Variants in CNTN6 observed in about 807,000 individuals in gnomAD.
CNTN6 encodes contactin 6, also known as contactin-6.
Under a neutral mutation model 122.8 loss-of-function variants are expected in CNTN6, and 137 were observed. That is an observed-to-expected ratio of 1.12 (90% CI 0.97 to 1.29). The LOEUF (loss-of-function observed/expected upper bound fraction) is 1.29, where lower values mean the gene tolerates loss of function less well. Ranked by LOEUF, CNTN6 falls within the 50% of genes most tolerant of loss-of-function variation. The pLI, the probability that CNTN6 is intolerant of heterozygous loss-of-function variation, is 0.00. For missense variants in CNTN6, 1,634 were observed against 1,223.4 expected (o/e 1.34, Z -5.01); for synonymous variants, 570 against 426.0 (o/e 1.34, Z -4.16).
chr3:1,345,532 G>T (rs1180547939), intron 11 of CNTN6, among the ~76,000 whole-genome samples: 1 of 152,120 alleles, frequency 6.6e-6, no homozygotes, highest in Non-Finnish European at 1.5e-5. Context: ...TTTTTATGTG[G>T]TTTGTTAAAA....
chr3:1,257,554 C>T (rs2094779741), intron 4 of CNTN6, among the ~76,000 whole-genome samples: 1 of 152,068 alleles, frequency 6.6e-6, no homozygotes, highest in Non-Finnish European at 1.5e-5. Flanking sequence ...CCACCCCTGC[C>T]CTATGAAATT....
chr3:1,099,199 C>T (rs991528710), intron 1 of CNTN6, among the ~76,000 whole-genome samples: 2 of 152,140 alleles, frequency 1.3e-5, no homozygotes, highest in African/African-American at 4.8e-5. Flanking sequence ...CGCCTGTAAT[C>T]CCAGCACTTT....
At chr3:1,261,103 G>T (rs374568881) in intron 4 of CNTN6, among the ~76,000 whole-genome samples, 2 of 152,148 alleles carry the variant, frequency 1.3e-5, no homozygotes, top group Non-Finnish European at 2.9e-5. Flanking sequence ...AGTCTTGTCT[G>T]TTTAGTTCAT....
rs534453074 is a variant in CNTN6 at position 1,158,957 on chromosome 3, C to CAA, written c.55+10895_55+10896insAA. Among the ~76,000 whole-genome samples the CAA allele has an allele frequency of 4.1e-4, 44 of 106,334 alleles. 6 individuals are homozygous for CAA. In the East Asian group the frequency reaches 0.016, roughly 38 times the overall value. The allele number at this position is 106,334 out of a possible 152,430, so 69.8% of individuals were successfully genotyped here. A position where few individuals can be genotyped will look rare whatever the true frequency, so the allele number is the denominator to read the frequency against. ...ACACACACACATATATATATATACA[C>CAA]ACACACACACACATATATATATATA... On this transcript the variant is annotated intron_variant, in intron 2 of 22. Coordinates refer to ENST00000446702, the MANE Select transcript of CNTN6 (RefSeq NM_001289080.2).
intron 1 of CNTN6, among the ~76,000 whole-genome samples, chr3:1,106,521 T>TACACAC (rs57012485): frequency 9.0e-4 from 135 of 149,176 alleles, no homozygotes; most frequent in Middle Eastern, 3.4e-3. Context: ...CTGTCTGTAA[T>TACACAC]ACACACACAC....
intron 12 of CNTN6, among the ~76,000 whole-genome samples, chr3:1,370,868 TA>T (rs562152335): frequency 1.7e-4 from 26 of 151,220 alleles, no homozygotes; most frequent in African/African-American, 5.1e-4. Flanking sequence ...ATAACAAAAG[TA>T]AAAAAAAGTA....
chr3:1,394,665 A>G (rs547239894), intron 20 of CNTN6, among the ~76,000 whole-genome samples: 33 of 152,316 alleles, frequency 2.2e-4, no homozygotes, highest in Non-Finnish European at 4.0e-4. Context: ...TGAAACCTAA[A>G]TTAAAAGTGT....
Position 1,388,225 on chromosome 3 carries a change from A to G in CNTN6, c.2704+2428A>G, listed in dbSNP as rs565657977. On this transcript the variant is annotated intron_variant, in intron 20 of 22. Transcript: ENST00000446702. ...TGCAGCTGGAGATCTGAGAACTGGC[A>G]CACTGCCTCCTCAAGTGGGTCCCTG... Among the ~76,000 whole-genome samples, 325 of 149,686 alleles carry G rather than the reference A, an allele frequency of 2.2e-3. 5 individuals are homozygous for G. The highest frequency in any genetic ancestry group is 7.4e-3 in the African/African-American group (303 of 40,744).
In CNTN6 at chr3:1,383,003, T is replaced by G; in HGVS notation, c.2228T>G (p.Val743Gly). The stretch of plus-strand genomic sequence containing the variant: ...GGATATATCATCATGTTCCGGCCAG[T>G]GGGCTCGACAACCTGGTCCAAGGAG... Reference protein sequence around the residue: ...GFGYIIMFRPVGSTTWSKEKV... With the variant: ...GFGYIIMFRPGGSTTWSKEKV... The change falls in exon 18 of 23, where the codon GTG (valine) becomes GGG (glycine). Residue 743 changes from valine (V) to glycine (G), a missense_variant. Coordinates refer to ENST00000446702, the MANE Select transcript of CNTN6 (RefSeq NM_001289080.2). The G allele has an allele frequency of 6.2e-7, 1 of 1,614,076 alleles. No individual in the cohort carries two copies.
intron 7 of CNTN6, among the ~76,000 whole-genome samples, chr3:1,315,672 A>C (rs942677372): frequency 9.9e-5 from 15 of 151,978 alleles, no homozygotes; most frequent in South Asian, 2.1e-4. Flanking sequence ...GCACTGTCTG[A>C]TTGCTTTCTT....
At chr3:1,374,664 A>C (rs1709598700) in intron 16 of CNTN6, among the ~76,000 whole-genome samples, 1 of 151,942 alleles carries the variant, frequency 6.6e-6, no homozygotes, top group Non-Finnish European at 1.5e-5. Context: ...TCTTTGTTCC[A>C]CTCAAACTTT....
intron 12 of CNTN6, among the ~76,000 whole-genome samples, chr3:1,364,071 A>G (rs536246437): frequency 1.9e-4 from 29 of 151,882 alleles, no homozygotes; most frequent in Non-Finnish European, 1.2e-4. Context: ...AAAACTGTCT[A>G]TTTAATTCAG....
intron 20 of CNTN6, among the ~76,000 whole-genome samples, chr3:1,387,878 A>G (rs1385687807): frequency 1.3e-5 from 2 of 152,196 alleles, no homozygotes; most frequent in Non-Finnish European, 2.9e-5. Flanking sequence ...GCGCACCACG[A>G]GATTATATCC....
intron 1 of CNTN6, among the ~76,000 whole-genome samples, chr3:1,147,262 C>T (rs2092742436): frequency 6.6e-6 from 1 of 151,872 alleles, no homozygotes; most frequent in Non-Finnish European, 1.5e-5. Flanking sequence ...CAAAATTATA[C>T]CATAAAAAGG....
At chr3:1,338,118 G>A (rs142696480) in intron 11 of CNTN6, among the ~76,000 whole-genome samples, 48 of 152,218 alleles carry the variant, frequency 3.2e-4, no homozygotes, top group African/African-American at 1.1e-3. Context: ...CCATGTTTTC[G>A]TGACAGGTAA....
At chr3:1,386,778 G>C (rs182948486) in intron 20 of CNTN6, among the ~76,000 whole-genome samples, 1 of 152,054 alleles carries the variant, frequency 6.6e-6, no homozygotes. Flanking sequence ...GACAAATTCA[G>C]TGCCACTTAC....
chr3:1,346,742 G>A (rs933059749), intron 11 of CNTN6, among the ~76,000 whole-genome samples: 3 of 152,060 alleles, frequency 2.0e-5, no homozygotes, highest in South Asian at 4.1e-4. Flanking sequence ...CCGGAAAAAC[G>A]AGGGTAAAAT....
intron 5 of CNTN6, among the ~76,000 whole-genome samples, chr3:1,278,784 G>C (rs888092660): frequency 4.6e-5 from 7 of 152,202 alleles, no homozygotes; most frequent in Non-Finnish European, 1.0e-4. Flanking sequence ...ACTGACCGCA[G>C]CTGTAATTCG....
At chr3:1,304,616 A>G (rs1489630803) in intron 7 of CNTN6, among the ~76,000 whole-genome samples, 1 of 152,216 alleles carries the variant, frequency 6.6e-6, no homozygotes, top group African/African-American at 2.4e-5. Flanking sequence ...TATCTAGGGA[A>G]TGGAATTATA....
Sources: gnomAD v4.1 joint callset for allele counts (sites outside exome capture counted in the v4.1 genomes callset) on GRCh38, gnomAD v4.1.1 for gene constraint, MANE v1.5 for transcripts, NCBI Gene and HGNC (gene_info 2026-07-23, HGNC 2026-07-21) for gene names.